LAMA5: variants seen among roughly 807,000 people sequenced by gnomAD.
The protein encoded by LAMA5 is laminin subunit alpha-5.
LAMA5 carries 260 observed loss-of-function variants against 433.4 expected under a neutral mutation model. That is an observed-to-expected ratio of 0.60 (90% CI 0.54 to 0.66). The LOEUF is 0.66. Among genes scored for constraint, LAMA5 ranks in the 30% least tolerant of loss-of-function variants. The pLI is 0.00. For missense variants in LAMA5, 5,378 were observed against 5,258.5 expected (o/e 1.02, Z -0.70); for synonymous variants, 2,620 against 2,226.6 (o/e 1.18, Z -4.97).
chr20:62,311,726 G>T lies in LAMA5; in HGVS notation c.9694C>A (p.Pro3232Thr), dbSNP rs766012416. 6 of 1,563,876 alleles carry T rather than the reference G, an allele frequency of 3.8e-6. No individual in the cohort carries two copies. The highest frequency in any genetic ancestry group is 2.4e-5 in the East Asian group (1 of 42,106). ...CCCTCAGGCTGCGGCTGGAGCTCGG[G>T]GGGTGGTCCCCGGTGGGGCTTCATC... ...QQMKPHRGPP[P>T]ELQPQPEGPP... The change falls in exon 71 of 80, where the codon CCC becomes ACC. Residue 3232 changes from proline to threonine, a missense_variant. Physicochemically the swap from Pro to Thr is conservative, Grantham distance 38. Transcript: ENST00000252999.
intron 1 of LAMA5, among the ~76,000 whole-genome samples, chr20:62,365,580 C>T (rs1298656661): frequency 6.6e-6 from 1 of 152,210 alleles, no homozygotes; most frequent in Non-Finnish European, 1.5e-5. Context: ...TGGGGACACT[C>T]AGCCAGGCCC....
intron 2 of LAMA5, among the ~76,000 whole-genome samples, chr20:62,360,758 G>A (rs1024330753): frequency 1.3e-5 from 2 of 151,982 alleles, no homozygotes; most frequent in African/African-American, 4.8e-5. Context: ...GAGGCTGTGA[G>A]AGGCAAGACG....
Position 62,351,787 on chromosome 20 carries a change from G to A in LAMA5, c.873C>T (p.Ile291=), listed in dbSNP as rs753371594. 6.2e-7 allele frequency: 1 copy of A among 1,609,442 alleles called. No homozygotes were observed. The highest frequency in any genetic ancestry group is 1.1e-5 in the South Asian group (1 of 90,138). ...AGCGGCCTCCGATGCTGATATCCTTGATGCTGTAATAATACTGCACCCGCA... is the reference window on the plus strand; with the variant it reads ...AGCGGCCTCCGATGCTGATATCCTTAATGCTGTAATAATACTGCACCCGCA... ...PTVTRRYYYS[I]KDISIGGRCV... Residue 291 remains isoleucine (I), a synonymous_variant, in exon 6 of 80, where the codon ATC becomes ATT. Coordinates refer to ENST00000252999, the MANE Select transcript of LAMA5 (RefSeq NM_005560.6).
chr20:62,323,882 C>G, intron 43 of LAMA5, 26 bp from the exon 44 acceptor site: 1 of 1,584,592 alleles, frequency 6.3e-7, no homozygotes, highest in Non-Finnish European at 8.6e-7. Flanking sequence ...GCGTCAGTCA[C>G]TAGGCCCCTG....
intron 58 of LAMA5, 32 bp from the exon 59 acceptor site, chr20:62,315,239 G>A: frequency 2.6e-6 from 4 of 1,558,816 alleles, no homozygotes; most frequent in Non-Finnish European, 3.5e-6. Context: ...CTCAGCAGGG[G>A]CCAGCGGGGA....
At position 62,312,860 on chromosome 20, in the gene LAMA5, GCCACCCTGGTCC is replaced by G. The variant is rs754353086; in HGVS notation, c.9078+16_9078+27del. 2.5e-6 allele frequency: 4 copies of G among 1,600,188 alleles called. No homozygotes were observed. The highest frequency in any genetic ancestry group is 1.1e-5 in the South Asian group (1 of 90,076). ...CCCCATCGTTCCATCTCCTCTCCCT[GCCACCCTGGTCC>G]CCACCCTGGCCCTACCGCCTTGCTG... On this transcript the variant is annotated intron_variant, in intron 66 of 79. Transcript: ENST00000252999.
At position 62,311,017 on chromosome 20, in the gene LAMA5, C is replaced by T; in HGVS notation, c.10166G>A (p.Ser3389Asn). ...GCTCAGGAAGAGCGCCAGGGAGGGG[C>T]TGCCGGGCCTCAGACGGGCAGTGAA... ...LLFTARLRPG[S>N]PSLALFLSNG... The change falls in exon 74 of 80, where the codon AGC becomes AAC. Residue 3389 changes from serine to asparagine, a missense_variant. Transcript: ENST00000252999. The T allele has an allele frequency of 6.2e-7, 1 of 1,609,922 alleles. No individual in the cohort carries two copies. The highest frequency in any genetic ancestry group is 1.1e-5 in the South Asian group (1 of 90,914).
At position 62,320,924 on chromosome 20, in the gene LAMA5, T is replaced by C. The variant is rs201996866; in HGVS notation, c.6497-34A>G. 8.8e-4 allele frequency: 1,393 copies of C among 1,590,944 alleles called. 17 individuals carry two copies. In the African/African-American group the frequency reaches 0.016, roughly 19 times the overall value. On this transcript the variant is annotated intron_variant, in intron 48 of 79. Transcript: ENST00000252999. ...GATGTGGGGTCACAGGTCAGTGTCA[T>C]TGGGTCAGGCCAGGGGAGAATGATC... is the stretch of plus-strand genomic sequence containing the variant.
chr20:62,319,730 C>T lies in LAMA5; in HGVS notation c.6825G>A (p.Ala2275=), dbSNP rs895915264. Residue 2275 remains alanine, a synonymous_variant, in exon 51 of 80, where the codon GCG becomes GCA. Coordinates refer to ENST00000252999, the MANE Select transcript of LAMA5 (RefSeq NM_005560.6). The part of the protein sequence containing the change: ...LAGTEATLGH[A]KTLLAAIRAV... ...CCCGGATGGCCGCCAACAGCGTCTT[C>T]GCATGGCCCAGTGTGGCCTCGGTGC... 1.2e-5 allele frequency: 19 copies of T among 1,548,758 alleles called. No individual in the cohort carries two copies. The highest frequency in any genetic ancestry group is 2.4e-5 in the South Asian group (2 of 84,186).
intron 2 of LAMA5, among the ~76,000 whole-genome samples, chr20:62,361,266 G>A (rs1402642363): frequency 6.6e-6 from 1 of 152,124 alleles, no homozygotes. Flanking sequence ...CCAGGGCAGG[G>A]CTAGGGGCCT....
chr20:62,362,069 G>A lies in LAMA5; in HGVS notation c.450+331C>T, dbSNP rs1299802719. 4.6e-5 allele frequency among the ~76,000 whole-genome samples: 7 copies of A among 152,180 alleles called. No homozygotes were observed. The East Asian group carries it at 9.6e-4, about 21-fold the overall frequency. On this transcript the variant is annotated intron_variant, in intron 2 of 79. Coordinates refer to ENST00000252999, the MANE Select transcript of LAMA5 (RefSeq NM_005560.6). ...AACAGCAGGGCGCCTGACGCAGGGG[G>A]CACCACCGCACTGCTCACAGCACCT...
In LAMA5 at chr20:62,325,285, G is replaced by A. The variant is rs73916527; in HGVS notation, c.5529+31C>T. On this transcript the variant is annotated intron_variant, in intron 41 of 79. Coordinates refer to ENST00000252999, the MANE Select transcript of LAMA5 (RefSeq NM_005560.6). ...AGGGAAGGGTGTGCACAGGTGAGCC[G>A]CCTCGCAGTCTGGTGCTGTCCTAAC... 1.2e-4 allele frequency: 180 copies of A among 1,450,778 alleles called. 1 individual carries two copies. The African/African-American group carries it at 2.0e-3, about 16-fold the overall frequency. 89.9% of individuals were successfully genotyped at this position (1,450,778 alleles called of 1,614,324 possible). A position where few individuals can be genotyped will look rare whatever the true frequency, so the allele number is the denominator to read the frequency against.
chr20:62,349,225 C>T (rs761655282), intron 6 of LAMA5, among the ~76,000 whole-genome samples: 13 of 126,412 alleles, frequency 1.0e-4, no homozygotes, highest in East Asian at 2.7e-4. Context: ...GAGCCGAGAT[C>T]GTGCCACTGC....
chr20:62,357,694 C>A (rs1434531698), intron 2 of LAMA5, among the ~76,000 whole-genome samples: 1 of 152,242 alleles, frequency 6.6e-6, no homozygotes, highest in Non-Finnish European at 1.5e-5. Context: ...GAGGCCAGAA[C>A]CCCCAACTCT....
Position 62,311,123 on chromosome 20 carries a change from C to T in LAMA5, c.10089-29G>A, listed in dbSNP as rs375464190. 38 of 1,562,532 alleles carry T rather than the reference C, an allele frequency of 2.4e-5. 1 individual carries two copies. Among genetic ancestry groups the T allele is most frequent in the South Asian group, 2.4e-4 (20 of 83,946 alleles). On this transcript the variant is annotated intron_variant, in intron 73 of 79. Coordinates refer to ENST00000252999, the MANE Select transcript of LAMA5 (RefSeq NM_005560.6). The stretch of plus-strand genomic sequence containing the variant: ...GAAGCGGAGCTGGCGTCAGCCTGCG[C>T]GGCCCCTCTCAGCCCACCCCAGCCG...
At chr20:62,336,840 C>T in intron 16 of LAMA5, 54 bp from the exon 17 acceptor site, 1 of 1,579,804 alleles carries the variant, frequency 6.3e-7, no homozygotes, top group Non-Finnish European at 8.6e-7. Flanking sequence ...CCCGGAAGGC[C>T]AAGGGTGTCC....
At chr20:62,329,339 G>C in intron 32 of LAMA5, 86 bp from the exon 33 acceptor site, 1 of 1,006,060 alleles carries the variant, frequency 9.9e-7, no homozygotes, top group Non-Finnish European at 1.5e-6. Context: ...CCAGGGTCCT[G>C]CAGGCAGCTC....
At chr20:62,314,171 C>T in intron 62 of LAMA5, 133 bp downstream of exon 62, 6 of 1,157,814 alleles carry the variant, frequency 5.2e-6, no homozygotes, top group South Asian at 4.3e-5. Flanking sequence ...GGCGAGTGGG[C>T]ACGGAGAGGC....
Position 62,320,689 on chromosome 20 carries a change from A to G in LAMA5, c.6649-20T>C. ...CTGGCTCTGTGGGAGGCGAAAGGTG[A>G]AGGCCTGCACTGGCCCGGGTTGGGG... On this transcript the variant is annotated intron_variant, in intron 49 of 79. Transcript: ENST00000252999. The G allele has an allele frequency of 6.2e-7, 1 of 1,611,620 alleles. No individual in the cohort carries two copies. Among genetic ancestry groups the G allele is most frequent in the Non-Finnish European group, 8.5e-7 (1 of 1,179,466 alleles).
Sources: gnomAD v4.1 joint callset for allele counts (sites outside exome capture counted in the v4.1 genomes callset) on GRCh38, gnomAD v4.1.1 for gene constraint, MANE v1.5 for transcripts, NCBI Gene and HGNC (gene_info 2026-07-23, HGNC 2026-07-21) for gene names.